Variants in ACOT11 observed in about 807,000 individuals in gnomAD.
ACOT11 encodes acyl-coenzyme A thioesterase 11.
Under a neutral mutation model 77.5 loss-of-function variants are expected in ACOT11, and 69 were observed. The ratio of observed to expected loss-of-function variants is 0.89; its 90% CI spans 0.73 to 1.09. The LOEUF (loss-of-function observed/expected upper bound fraction) is 1.09. ACOT11 is among the 50% of genes least tolerant of loss of function. The pLI, the probability that ACOT11 is intolerant of heterozygous loss-of-function variation, is 0.00. For synonymous variants in ACOT11, 279 were observed against 313.0 expected, an observed-to-expected ratio of 0.89 and a Z score of 1.15; for missense variants, 766 against 813.7, an observed-to-expected ratio of 0.94 and a Z score of 0.71.
intron 1 of ACOT11, among the ~76,000 whole-genome samples, chr1:54,571,590 AG>A (rs760711271): frequency 6.6e-6 from 1 of 152,220 alleles, no homozygotes; most frequent in Non-Finnish European, 1.5e-5. Context: ...TCCTCTGCTA[AG>A]CCTTGTTCTG....
intron 15 of ACOT11, among the ~76,000 whole-genome samples, chr1:54,616,983 G>GGT (rs140234700): frequency 0.27 from 41,203 of 151,928 alleles, 5,799 homozygotes; most frequent in African/African-American, 0.35. Flanking sequence ...TGAGATTACA[G>GGT]GTGAGTCTCA....
At chr1:54,615,026 G>A (rs529463087), downstream of ACOT11, among the ~76,000 whole-genome samples, 2 of 152,078 alleles carry the variant, frequency 1.3e-5, no homozygotes, top group Non-Finnish European at 2.9e-5. Flanking sequence ...TGTGAGGAAG[G>A]CCTTTCGAAG....
At chr1:54,597,223 C>T in intron 6 of ACOT11, 36 bp from the exon 7 acceptor site, 2 of 1,605,280 alleles carry the variant, frequency 1.2e-6, no homozygotes, top group East Asian at 2.2e-5. Flanking sequence ...ATGTTCTCAC[C>T]TCCCTGCTTC....
At chr1:54,551,742 T>G (rs1366633470) in intron 1 of ACOT11, among the ~76,000 whole-genome samples, 1 of 150,078 alleles carries the variant, frequency 6.7e-6, no homozygotes, top group Non-Finnish European at 1.5e-5. Flanking sequence ...GTTTTGTTTT[T>G]GTTTTTGTTT....
chr1:54,610,573 GC>G, downstream of ACOT11: 7 of 1,606,530 alleles, frequency 4.4e-6, no homozygotes, highest in Non-Finnish European at 6.0e-6. Flanking sequence ...GCCCCAAATC[GC>G]CAAGGTGAAG....
chr1:54,620,242 A>G (rs1418253405), intron 15 of ACOT11, among the ~76,000 whole-genome samples: 2 of 152,234 alleles, frequency 1.3e-5, no homozygotes, highest in African/African-American at 4.8e-5. Context: ...AGGTTCACAG[A>G]GAAGGGAACA....
chr1:54,579,386 G>A (rs1421726720), intron 1 of ACOT11, among the ~76,000 whole-genome samples: 3 of 152,284 alleles, frequency 2.0e-5, no homozygotes, highest in South Asian at 2.1e-4. Context: ...TGTGTGTCCC[G>A]GGTATGTGTG....
At chr1:54,616,328 C>T (rs1033782297) in intron 15 of ACOT11, among the ~76,000 whole-genome samples, 5 of 151,782 alleles carry the variant, frequency 3.3e-5, no homozygotes, top group Non-Finnish European at 7.4e-5. Context: ...TTTCACATTT[C>T]GATGATTTTT....
Position 54,629,058 on chromosome 1 carries a change from CAAAAAAA to C in ACOT11, c.1630-1662_1630-1656del. Reference sequence around the variant, plus strand: ...TGGGCGACAGAGCAAGACTCCGTCTCAAAAAAAAAAAAAAAAAAAAGAAGAAGAACAC... The same window carrying C: ...TGGGCGACAGAGCAAGACTCCGTCTCAAAAAAAAAAAAAGAAGAAGAACAC... On this transcript the variant is annotated intron_variant, in intron 15 of 16. Coordinates refer to the ACOT11 transcript ENST00000371316. Among the ~76,000 whole-genome samples, 3 of 36,024 alleles carry C rather than the reference CAAAAAAA, an allele frequency of 8.3e-5. 1 individual carries two copies. In the South Asian group the frequency reaches 2.8e-3, roughly 33 times the overall value. 23.6% of individuals were successfully genotyped at this position (36,024 alleles called of 152,430 possible).
Position 54,585,910 on chromosome 1 carries a change from T to C in ACOT11, c.311+6T>C, listed in dbSNP as rs758330507. On this transcript the variant is annotated splice_donor_region_variant and intron_variant, in intron 3 of 15. Transcript: ENST00000343744. Reference sequence around the variant, plus strand: ...TATTTTGAGCACACCATTAGGTAAGTGGCCCCTCCTGCCTCAAGGTCCTCT... The same window carrying C: ...TATTTTGAGCACACCATTAGGTAAGCGGCCCCTCCTGCCTCAAGGTCCTCT... 11 of 1,613,922 alleles carry C rather than the reference T, an allele frequency of 6.8e-6. No homozygotes were observed. Among genetic ancestry groups the C allele is most frequent in the Non-Finnish European group, 9.3e-6 (11 of 1,179,914 alleles).
downstream of ACOT11, chr1:54,611,497 G>A (rs572929342): frequency 6.8e-6 from 7 of 1,025,166 alleles, no homozygotes; most frequent in South Asian, 6.2e-5. Flanking sequence ...GTCCCACCCC[G>A]GCCTTCCCCC....
chr1:54,608,436 G>A (rs1197122453), intron 15 of ACOT11, among the ~76,000 whole-genome samples: 4 of 152,108 alleles, frequency 2.6e-5, no homozygotes, highest in Admixed American at 6.5e-5. Flanking sequence ...GGAAAACATG[G>A]GGAGGAGGCT....
chr1:54,586,023 G>A (rs1654486244), intron 3 of ACOT11, 119 bp downstream of exon 3: 1 of 1,070,436 alleles, frequency 9.3e-7, no homozygotes, highest in Non-Finnish European at 1.3e-6. Flanking sequence ...TCAACTGACT[G>A]AAAATGAGGT....
rs568279256 is a variant in ACOT11, at chr1:54,560,586, T to C, written c.33+12244T>C. Among the ~76,000 whole-genome samples the C allele has an allele frequency of 6.6e-5, 10 of 152,328 alleles. No individual in the cohort carries two copies. The South Asian group carries it at 2.1e-3, about 32-fold the overall frequency. On this transcript the variant is annotated intron_variant, in intron 1 of 15. Coordinates refer to ENST00000343744, the MANE Select transcript of ACOT11 (RefSeq NM_147161.4). ...CTCTGTTGTGCAGGCTGGAGTGCAG[T>C]GGTGCGATCATAGCTCACTGAAGCC... is the stretch of plus-strand genomic sequence containing the variant.
downstream of ACOT11, chr1:54,614,956 A>ATGTGTGTG (rs1359535949): frequency 2.5e-4 from 286 of 1,130,152 alleles, 2 homozygotes; most frequent in African/African-American, 3.4e-4. Flanking sequence ...GTGTGTGTGC[A>ATGTGTGTG]TGTGCGTGCA....
intron 1 of ACOT11, among the ~76,000 whole-genome samples, chr1:54,554,290 AGTGTGTGTGTGTGTGT>A (rs67577349): frequency 6.5e-5 from 7 of 108,400 alleles, no homozygotes; most frequent in South Asian, 6.4e-4. Flanking sequence ...AGTATTCCAT[AGTGTGTGTGTGTGTGT>A]GTGTGTGTGT....
intron 15 of ACOT11, chr1:54,623,361 AC>A: frequency 6.2e-7 from 1 of 1,613,480 alleles, no homozygotes; most frequent in African/African-American, 1.3e-5. Flanking sequence ...CACCCACTTG[AC>A]CTGATTCTTT....
intron 1 of ACOT11, among the ~76,000 whole-genome samples, chr1:54,575,084 CA>C (rs764540628): frequency 2.9e-4 from 44 of 151,888 alleles, no homozygotes; most frequent in Non-Finnish European, 5.4e-4. Flanking sequence ...CCCTGGGGCT[CA>C]GTTTCTCCAC....
intron 1 of ACOT11, among the ~76,000 whole-genome samples, chr1:54,579,833 C>T (rs909554680): frequency 6.6e-6 from 1 of 152,186 alleles, no homozygotes; most frequent in African/African-American, 2.4e-5. Context: ...TCTCACAGAA[C>T]CTCTCAAACA....
Sources: allele counts gnomAD v4.1 joint callset (sites outside exome capture counted in the v4.1 genomes callset), GRCh38; gene constraint gnomAD v4.1.1; transcripts MANE v1.5; gene names NCBI Gene and HGNC (gene_info 2026-07-23, HGNC 2026-07-21).